ELAVL2: variants seen among roughly 807,000 people sequenced by gnomAD.
ELAVL2 encodes the protein ELAV like RNA binding protein 2.
Under a neutral mutation model 34.6 loss-of-function variants are expected in ELAVL2, and 4 were observed. The ratio of observed to expected loss-of-function variants is 0.12; its 90% CI spans 0.06 to 0.26. The LOEUF (loss-of-function observed/expected upper bound fraction) is 0.26. Ranked by LOEUF, ELAVL2 falls within the 10% of genes least tolerant of loss-of-function variation. The pLI is 1.00. For missense variants in ELAVL2, 432 were observed against 442.8 expected, an observed-to-expected ratio of 0.98 and a Z score of 0.22; for synonymous variants, 193 against 154.8, an observed-to-expected ratio of 1.25 and a Z score of -1.83.
intron 2 of ELAVL2, among the ~76,000 whole-genome samples, chr9:23,746,628 T>C (rs926981468): frequency 2.6e-5 from 4 of 152,078 alleles, no homozygotes; most frequent in Non-Finnish European, 5.9e-5. Flanking sequence ...CCTTACTGGC[T>C]GCTTGCCTAT....
At chr9:23,736,152 C>G (rs958242365) in intron 2 of ELAVL2, among the ~76,000 whole-genome samples, 2 of 152,018 alleles carry the variant, frequency 1.3e-5, no homozygotes, top group African/African-American at 4.8e-5. Flanking sequence ...AATCAAATTA[C>G]CCCCTCAGGT....
At chr9:23,828,301 G>A (rs1313311302), upstream of ELAVL2, among the ~76,000 whole-genome samples, 2 of 152,154 alleles carry the variant, frequency 1.3e-5, no homozygotes, top group Non-Finnish European at 2.9e-5. Flanking sequence ...ATGCTCGTAG[G>A]TTAATATTGA....
intron 1 of ELAVL2, among the ~76,000 whole-genome samples, chr9:23,777,039 T>C (rs897770422): frequency 1.2e-4 from 18 of 152,200 alleles, no homozygotes; most frequent in Admixed American, 8.5e-4. Context: ...CTTCATCCTA[T>C]GTAAAGTACA....
At chr9:23,733,956 G>A (rs1465635302) in intron 2 of ELAVL2, among the ~76,000 whole-genome samples, 3 of 152,000 alleles carry the variant, frequency 2.0e-5, no homozygotes, top group African/African-American at 7.2e-5. Flanking sequence ...TTTATACTCA[G>A]AAATATTTAT....
chr9:23,741,887 C>T (rs1269444951), intron 2 of ELAVL2, among the ~76,000 whole-genome samples: 2 of 152,170 alleles, frequency 1.3e-5, no homozygotes, highest in Admixed American at 6.5e-5. Context: ...GCTTTTCCTT[C>T]CACCAATCCT....
intron 3 of ELAVL2, among the ~76,000 whole-genome samples, chr9:23,710,752 C>T (rs1044644590): frequency 6.6e-6 from 1 of 152,136 alleles, no homozygotes; most frequent in Non-Finnish European, 1.5e-5. Context: ...ATGGAGTCTT[C>T]GTGGGACTAT....
chr9:23,747,078 C>A lies in ELAVL2; in HGVS notation c.229+14928G>T, dbSNP rs191236993. ...AGCCGAGTACAGTAGTCCTCCACCC[C>A]CTACCTTATCCTTGGGGGTTACAAG... On this transcript the variant is annotated intron_variant, in intron 2 of 6. Coordinates refer to ENST00000397312, the MANE Select transcript of ELAVL2 (RefSeq NM_004432.5). Among the ~76,000 whole-genome samples, 242 of 152,190 alleles carry A rather than the reference C, an allele frequency of 1.6e-3. 1 individual carries two copies. Among genetic ancestry groups the A allele is most frequent in the African/African-American group, 5.5e-3 (228 of 41,536 alleles).
At chr9:23,771,932 A>C (rs2057373220) in intron 1 of ELAVL2, among the ~76,000 whole-genome samples, 1 of 152,218 alleles carries the variant, frequency 6.6e-6, no homozygotes, top group Non-Finnish European at 1.5e-5. Context: ...GAATCATTCC[A>C]ACCCCATTCT....
At chr9:23,804,370 C>T (rs2061951954) in intron 1 of ELAVL2, among the ~76,000 whole-genome samples, 1 of 152,046 alleles carries the variant, frequency 6.6e-6, no homozygotes, top group Non-Finnish European at 1.5e-5. Context: ...AAAATACAAA[C>T]ATGTAATGGC....
At chr9:23,703,756 A>T (rs926867017) in intron 4 of ELAVL2, among the ~76,000 whole-genome samples, 4 of 151,998 alleles carry the variant, frequency 2.6e-5, no homozygotes, top group Non-Finnish European at 5.9e-5. Context: ...GGTGGCGGGG[A>T]GAGAAACAAA....
chr9:23,735,780 A>G (rs1337882291), intron 2 of ELAVL2, among the ~76,000 whole-genome samples: 2 of 152,234 alleles, frequency 1.3e-5, no homozygotes, highest in African/African-American at 2.4e-5. Flanking sequence ...AGTTATAAAC[A>G]GGCTGGTAGA....
chr9:23,696,161 G>C (rs1267667371), intron 5 of ELAVL2, among the ~76,000 whole-genome samples: 1 of 152,000 alleles, frequency 6.6e-6, no homozygotes, highest in East Asian at 1.9e-4. Flanking sequence ...AACGAGTGTA[G>C]GGAGAAGCAT....
chr9:23,692,482 T>C lies in ELAVL2; in HGVS notation c.*75A>G. The C allele has an allele frequency of 7.0e-7, 1 of 1,420,850 alleles. No individual in the cohort carries two copies. The highest frequency in any genetic ancestry group is 1.4e-5 in the South Asian group (1 of 69,052). The allele number at this position is 1,420,850 out of a possible 1,614,324, so 88.0% of individuals were successfully genotyped here. Reference sequence around the variant, plus strand: ...AACACTGACTTACAAAGACATTTACTAATGTATAAAGTTTCTCTTAACTTG... The same window carrying C: ...AACACTGACTTACAAAGACATTTACCAATGTATAAAGTTTCTCTTAACTTG... On this transcript the variant is annotated 3_prime_UTR_variant, in exon 7 of 7. Transcript: ENST00000397312.
Position 23,692,487 on chromosome 9 carries a change from T to C in ELAVL2, c.*70A>G. 2 of 1,458,586 alleles carry C rather than the reference T, an allele frequency of 1.4e-6. No individual in the cohort carries two copies. Among genetic ancestry groups the C allele is most frequent in the Non-Finnish European group, 1.8e-6 (2 of 1,084,804 alleles). The allele number at this position is 1,458,586 out of a possible 1,614,324, so 90.4% of individuals were successfully genotyped here. ...TGACTTACAAAGACATTTACTAATG[T>C]ATAAAGTTTCTCTTAACTTGCCTTT... On this transcript the variant is annotated 3_prime_UTR_variant, in exon 7 of 7. Coordinates refer to ENST00000397312, the MANE Select transcript of ELAVL2 (RefSeq NM_004432.5).
intron 3 of ELAVL2, among the ~76,000 whole-genome samples, chr9:23,709,811 A>G (rs1331773256): frequency 6.6e-6 from 1 of 152,210 alleles, no homozygotes; most frequent in Non-Finnish European, 1.5e-5. Flanking sequence ...CAAAACTACT[A>G]AGTGAAGGAT....
At chr9:23,705,112 C>G in intron 3 of ELAVL2, 41 bp from the exon 4 acceptor site, 2 of 1,608,538 alleles carry the variant, frequency 1.2e-6, no homozygotes, top group Non-Finnish European at 1.7e-6. Context: ...TGCATGCTCA[C>G]TCACCCACCT....
At chr9:23,754,296 C>G (rs1202215531) in intron 2 of ELAVL2, among the ~76,000 whole-genome samples, 1 of 152,108 alleles carries the variant, frequency 6.6e-6, no homozygotes, top group Non-Finnish European at 1.5e-5. Context: ...TTTCTTCATC[C>G]TAGCAACTAG....
chr9:23,741,384 G>A (rs1406342386), intron 2 of ELAVL2, among the ~76,000 whole-genome samples: 1 of 152,152 alleles, frequency 6.6e-6, no homozygotes, highest in East Asian at 1.9e-4. Context: ...AGGCACACGA[G>A]GGACCCAGGG....
intron 2 of ELAVL2, among the ~76,000 whole-genome samples, chr9:23,734,868 A>G (rs1254278478): frequency 6.6e-6 from 1 of 151,980 alleles, no homozygotes; most frequent in Non-Finnish European, 1.5e-5. Flanking sequence ...TATATTCATC[A>G]GTAAGTCATG....
Sources: allele counts gnomAD v4.1 joint callset (sites outside exome capture counted in the v4.1 genomes callset), GRCh38; gene constraint gnomAD v4.1.1; transcripts MANE v1.5; gene names NCBI Gene and HGNC (gene_info 2026-07-23, HGNC 2026-07-21).